The following STPG4 variants were observed in gnomAD, a reference collection of about 807,000 sequenced individuals.
STPG4 encodes protein STPG4.
STPG4 carries 41 observed loss-of-function variants against 31.5 expected under a neutral mutation model. The observed-to-expected ratio is 1.30, with a 90% CI of 1.01 to 1.69. The LOEUF is 1.69. STPG4 is among the 40% of genes most tolerant of loss of function. The pLI is 0.00. For missense variants in STPG4, 375 were observed against 293.4 expected (o/e 1.28, Z -2.03); for synonymous variants, 141 against 103.0 (o/e 1.37, Z -2.24).
chr2:47,090,475 T>C (rs1685548904), intron 5 of STPG4, 101 bp from the exon 6 acceptor site: 10 of 768,876 alleles, frequency 1.3e-5, no homozygotes, highest in Non-Finnish European at 1.9e-5. Flanking sequence ...CACTGTGATA[T>C]AGTAGAAAAA....
At chr2:47,091,098 CAG>C (rs1685560675) in intron 5 of STPG4, among the ~76,000 whole-genome samples, 1 of 121,102 alleles carries the variant, frequency 8.3e-6, no homozygotes, top group Non-Finnish European at 1.6e-5. Flanking sequence ...TAAGAAAGAA[CAG>C]AGAGAGGAAG....
chr2:47,088,065 T>TTTTG (rs1026343638), intron 6 of STPG4, among the ~76,000 whole-genome samples: 2 of 151,908 alleles, frequency 1.3e-5, no homozygotes, highest in Non-Finnish European at 1.5e-5. Flanking sequence ...GGTTTTTTGT[T>TTTTG]TTTGTTTGTT....
At chr2:47,091,504 C>T (rs1024197947) in intron 5 of STPG4, among the ~76,000 whole-genome samples, 1 of 152,072 alleles carries the variant, frequency 6.6e-6, no homozygotes, top group Non-Finnish European at 1.5e-5. Context: ...TTTTTCCCCC[C>T]TCCATTTTCA....
intron 3 of STPG4, among the ~76,000 whole-genome samples, chr2:47,146,896 G>C (rs554627950): frequency 1.8e-4 from 28 of 152,122 alleles, no homozygotes; most frequent in African/African-American, 4.6e-4. Context: ...CAGCACTTTG[G>C]GGGGATGAGG....
chr2:47,128,489 C>T (rs184547582), intron 5 of STPG4, among the ~76,000 whole-genome samples: 14 of 152,254 alleles, frequency 9.2e-5, no homozygotes, highest in Non-Finnish European at 1.9e-4. Flanking sequence ...CTCTATACTA[C>T]TGCAGCTAAG....
At chr2:47,138,537 A>G (rs1032682266) in intron 3 of STPG4, among the ~76,000 whole-genome samples, 1 of 151,410 alleles carries the variant, frequency 6.6e-6, no homozygotes, top group Admixed American at 6.6e-5. Flanking sequence ...AATTACAGGC[A>G]CCCGCCACCA....
chr2:47,087,941 G>C lies in STPG4; in HGVS notation c.625-811C>G, dbSNP rs1017049374. ...TAAATTTTTTTGTATTTTTAGTAGA[G>C]ATGGGGTTTCACCATGTTGCCCAGG... On this transcript the variant is annotated intron_variant, in intron 6 of 6. Transcript: ENST00000445927. Among the ~76,000 whole-genome samples, 27 of 151,824 alleles carry C rather than the reference G, an allele frequency of 1.8e-4. 1 individual carries two copies. The highest frequency in any genetic ancestry group is 1.1e-3 in the Admixed American group (16 of 15,236).
intron 5 of STPG4, among the ~76,000 whole-genome samples, chr2:47,091,437 A>G (rs1685567493): frequency 6.6e-6 from 1 of 152,202 alleles, no homozygotes; most frequent in African/African-American, 2.4e-5. Flanking sequence ...TAGCCCAAAC[A>G]CCACACTGGA....
intron 5 of STPG4, among the ~76,000 whole-genome samples, chr2:47,107,888 A>C (rs1685952690): frequency 6.6e-6 from 1 of 151,894 alleles, no homozygotes; most frequent in South Asian, 2.1e-4. Context: ...ATCAATCCAC[A>C]CTCTGTATCT....
At chr2:47,097,398 C>T (rs761984595) in intron 5 of STPG4, among the ~76,000 whole-genome samples, 8 of 152,104 alleles carry the variant, frequency 5.3e-5, no homozygotes, top group Non-Finnish European at 8.8e-5. Flanking sequence ...CCCCAAAATT[C>T]GTATGTTGGA....
At chr2:47,108,295 A>G (rs1685966211) in intron 5 of STPG4, 1 of 151,648 alleles carries the variant, frequency 6.6e-6, no homozygotes, top group Non-Finnish European at 1.5e-5. Flanking sequence ...CCCCTTCCAC[A>G]CTGTGGAAGC....
At chr2:47,141,595 C>T (rs1394951685) in intron 3 of STPG4, among the ~76,000 whole-genome samples, 1 of 151,656 alleles carries the variant, frequency 6.6e-6, no homozygotes, top group Non-Finnish European at 1.5e-5. Context: ...AGCCGCTTGA[C>T]TAACCACTTT....
intron 5 of STPG4, among the ~76,000 whole-genome samples, chr2:47,123,254 T>A (rs571946689): frequency 6.6e-6 from 1 of 152,360 alleles, no homozygotes; most frequent in South Asian, 2.1e-4. Context: ...TTTGGAAATA[T>A]TTAGAAATAG....
intron 6 of STPG4, among the ~76,000 whole-genome samples, chr2:47,088,668 G>GT (rs1216491847): frequency 1.3e-5 from 2 of 152,290 alleles, no homozygotes; most frequent in African/African-American, 4.8e-5. Flanking sequence ...CTGCCCTGCA[G>GT]TTTCTTATCT....
intron 5 of STPG4, among the ~76,000 whole-genome samples, chr2:47,115,399 G>A (rs12621790): frequency 6.3e-4 from 96 of 151,872 alleles, no homozygotes; most frequent in African/African-American, 2.3e-3. Flanking sequence ...TATCACCAGC[G>A]GCATCTTTTA....
At chr2:47,152,828 T>G in intron 2 of STPG4, 129 bp downstream of exon 2, 4 of 555,194 alleles carry the variant, frequency 7.2e-6, no homozygotes, top group Non-Finnish European at 1.2e-5. Flanking sequence ...AAGTATGACA[T>G]GAGGTCCATG....
intron 5 of STPG4, among the ~76,000 whole-genome samples, chr2:47,110,208 G>A (rs1315557326): frequency 6.6e-6 from 1 of 152,356 alleles, no homozygotes; most frequent in East Asian, 1.9e-4. Context: ...GTAGCAGAAA[G>A]TGGGACTATT....
chr2:47,107,288 G>A (rs116170549), intron 5 of STPG4, among the ~76,000 whole-genome samples: 6 of 152,168 alleles, frequency 3.9e-5, no homozygotes, highest in Middle Eastern at 6.8e-3. Flanking sequence ...AGGGAGACGC[G>A]CAAGTGGGAA....
intron 5 of STPG4, among the ~76,000 whole-genome samples, chr2:47,096,160 C>G (rs10174132): frequency 0.033 from 5,067 of 152,282 alleles, 262 homozygotes; most frequent in African/African-American, 0.12. Flanking sequence ...CTATGCTCAT[C>G]AGCCTCACAT....
Sources: allele counts gnomAD v4.1 joint callset (sites outside exome capture counted in the v4.1 genomes callset), GRCh38; gene constraint gnomAD v4.1.1; transcripts MANE v1.5; gene names NCBI Gene and HGNC (gene_info 2026-07-23, HGNC 2026-07-21).